Variants in DAB1 observed in about 807,000 individuals in gnomAD.
DAB1 encodes the protein disabled homolog 1.
Under a neutral mutation model 64.6 loss-of-function variants are expected in DAB1, and 15 were observed. That is an observed-to-expected ratio of 0.23 (90% confidence interval 0.16 to 0.36). DAB1 has a LOEUF of 0.36. Among genes scored for constraint, DAB1 ranks in the 10% least tolerant of loss-of-function variants. The probability of loss-of-function intolerance (pLI) is 1.00; values close to 1 mark genes in which losing one functional copy is unlikely to be tolerated. For missense variants in DAB1, 596 were observed against 706.7 expected (o/e 0.84, Z 1.78); for synonymous variants, 235 against 251.9 (o/e 0.93, Z 0.64).
At chr1:57,387,821 C>CA (rs55950458) in intron 1 of DAB1, among the ~76,000 whole-genome samples, 9,718 of 103,986 alleles carry the variant, frequency 0.093, 528 homozygotes, top group Middle Eastern at 0.14. Flanking sequence ...GACTCAGCCT[C>CA]AAAAAAAAAA....
intron 5 of DAB1, among the ~76,000 whole-genome samples, chr1:58,038,014 A>G (rs7534952): frequency 0.45 from 68,467 of 151,898 alleles, 15,689 homozygotes; most frequent in African/African-American, 0.5. Flanking sequence ...TAAATTTTGG[A>G]GTCCCTTTGC....
At position 57,747,807 on chromosome 1, in the gene DAB1, C is replaced by CAAAAA. The variant is rs373640023; in HGVS notation, n.552-98147_552-98143dup. Among the ~76,000 whole-genome samples, 34 of 43,968 alleles carry CAAAAA rather than the reference C, an allele frequency of 7.7e-4. 1 individual carries two copies. The highest frequency in any genetic ancestry group is 2.3e-3 in the African/African-American group (30 of 13,184). The allele number at this position is 43,968 out of a possible 152,430, so 28.8% of individuals were successfully genotyped here. On this transcript the variant is annotated intron_variant and non_coding_transcript_variant, in intron 6 of 20. Coordinates refer to the DAB1 transcript ENST00000485760. ...CTGGGCGACAGAGGAGGACTCTGTC[C>CAAAAA]AAAAAAAAAAAAAAAAAAAAAAAAA...
intron 5 of DAB1, among the ~76,000 whole-genome samples, chr1:57,964,035 A>C (rs1344182319): frequency 6.6e-6 from 1 of 152,192 alleles, no homozygotes; most frequent in Non-Finnish European, 1.5e-5. Context: ...CCAACACACA[A>C]AGAGGAGAAA....
chr1:57,302,213 T>C (rs1488852252), intron 1 of DAB1, among the ~76,000 whole-genome samples: 1 of 152,192 alleles, frequency 6.6e-6, no homozygotes, highest in Non-Finnish European at 1.5e-5. Context: ...AACCGTGTTT[T>C]CCTGAAGCCA....
At chr1:57,191,485 C>T (rs1664117719) in intron 2 of DAB1, among the ~76,000 whole-genome samples, 1 of 152,162 alleles carries the variant, frequency 6.6e-6, no homozygotes, top group East Asian at 1.9e-4. Flanking sequence ...TGACTATGGC[C>T]TCTTAGATTC....
At chr1:58,107,771 C>T (rs1651748784) in intron 5 of DAB1, among the ~76,000 whole-genome samples, 1 of 151,838 alleles carries the variant, frequency 6.6e-6, no homozygotes, top group African/African-American at 2.4e-5. Flanking sequence ...TGCCTGCCAC[C>T]ACGCCCAGCT....
chr1:57,273,028 T>G (rs1671137594), intron 2 of DAB1, among the ~76,000 whole-genome samples: 1 of 152,106 alleles, frequency 6.6e-6, no homozygotes, highest in Admixed American at 6.5e-5. Context: ...TTCTGGAAAT[T>G]TCTGGGCCAA....
chr1:58,387,820 G>A (rs543754452), intron 3 of DAB1, among the ~76,000 whole-genome samples: 7 of 148,614 alleles, frequency 4.7e-5, no homozygotes, highest in South Asian at 2.1e-4. Context: ...TCTGCCTCCC[G>A]GTTTTATGCC....
At chr1:57,845,951 C>T (rs1653260295) in intron 1 of DAB1, among the ~76,000 whole-genome samples, 1 of 152,004 alleles carries the variant, frequency 6.6e-6, no homozygotes, top group Non-Finnish European at 1.5e-5. Context: ...ATAAATTTGC[C>T]CTAGGCCCAT....
At chr1:57,685,169 G>T (rs376626417) in intron 6 of DAB1, among the ~76,000 whole-genome samples, 1 of 151,594 alleles carries the variant, frequency 6.6e-6, no homozygotes, top group Non-Finnish European at 1.5e-5. Context: ...AGCCAGGATG[G>T]TCTCCATCTC....
Position 57,910,790 on chromosome 1 carries a change from G to C in DAB1, n.388-26628C>G, listed in dbSNP as rs555288116. Among the ~76,000 whole-genome samples the C allele has an allele frequency of 2.6e-5, 4 of 152,276 alleles. No homozygotes were observed. In the South Asian group the frequency reaches 8.3e-4, roughly 32 times the overall value. On this transcript the variant is annotated intron_variant and non_coding_transcript_variant, in intron 5 of 20. Coordinates refer to the DAB1 transcript ENST00000485760. ...CCTTTAAATGTTGGCCTGCATTATC[G>C]ATGTTTCCAGAGGTGTAGCAGGAAT...
intron 6 of DAB1, among the ~76,000 whole-genome samples, chr1:57,765,536 T>C (rs764871941): frequency 1.3e-5 from 2 of 152,056 alleles, no homozygotes; most frequent in Non-Finnish European, 2.9e-5. Flanking sequence ...AAAGCATATC[T>C]AGGGGTAACT....
Position 57,475,967 on chromosome 1 carries a change from G to A in DAB1, n.625+173625C>T, listed in dbSNP as rs578076217. On this transcript the variant is annotated intron_variant and non_coding_transcript_variant, in intron 7 of 20. Transcript: ENST00000485760. Reference sequence around the variant, plus strand: ...CGGCCAGGTGCAGTGGCTCACCCCTGTTATCCCTACACTTTGGGAGGCTGA... The same window carrying A: ...CGGCCAGGTGCAGTGGCTCACCCCTATTATCCCTACACTTTGGGAGGCTGA... 2.0e-5 allele frequency among the ~76,000 whole-genome samples: 3 copies of A among 152,272 alleles called. No homozygotes were observed. The South Asian group carries it at 6.2e-4, about 32-fold the overall frequency.
chr1:58,467,018 A>G (rs892333893), intron 3 of DAB1, among the ~76,000 whole-genome samples: 4 of 152,190 alleles, frequency 2.6e-5, no homozygotes, highest in Admixed American at 2.0e-4. Context: ...TGATGCAGAT[A>G]CAGTGCCTGG....
At chr1:57,656,342 G>T (rs1054231889) in intron 6 of DAB1, among the ~76,000 whole-genome samples, 12 of 145,440 alleles carry the variant, frequency 8.3e-5, no homozygotes, top group African/African-American at 2.6e-4. Flanking sequence ...TTAGGTTGGT[G>T]CAAAAGTAAT....
intron 1 of DAB1, among the ~76,000 whole-genome samples, chr1:57,412,456 A>T (rs1684183823): frequency 6.6e-6 from 1 of 152,230 alleles, no homozygotes; most frequent in Non-Finnish European, 1.5e-5. Flanking sequence ...AAAGGAAAAG[A>T]TCTCAACCCA....
intron 2 of DAB1, among the ~76,000 whole-genome samples, chr1:57,208,540 G>C (rs150087727): frequency 6.6e-6 from 1 of 152,156 alleles, no homozygotes; most frequent in South Asian, 2.1e-4. Context: ...CTCCTTAGGC[G>C]TATATGTAGC....
chr1:58,026,121 C>G (rs1646891786), intron 5 of DAB1, among the ~76,000 whole-genome samples: 1 of 152,178 alleles, frequency 6.6e-6, no homozygotes, highest in African/African-American at 2.4e-5. Context: ...CTACATGCTG[C>G]AAGTGCTTGT....
At chr1:57,850,898 G>A (rs186494112) in intron 1 of DAB1, among the ~76,000 whole-genome samples, 12 of 151,922 alleles carry the variant, frequency 7.9e-5, no homozygotes, top group Admixed American at 3.9e-4. Flanking sequence ...GTGGCTCCTC[G>A]CCCATTCCTT....
Sources: allele counts gnomAD v4.1 joint callset (sites outside exome capture counted in the v4.1 genomes callset), GRCh38; gene constraint gnomAD v4.1.1; transcripts MANE v1.5; gene names NCBI Gene and HGNC (gene_info 2026-07-23, HGNC 2026-07-21).